The following TANC1 variants were observed in gnomAD, a reference collection of about 807,000 sequenced individuals.
The protein encoded by TANC1 is protein TANC1.
TANC1 carries 77 observed loss-of-function variants against 149.7 expected under a neutral mutation model. The observed-to-expected ratio is 0.51, with a 90% CI of 0.43 to 0.62. TANC1 has a LOEUF of 0.62. Ranked by LOEUF, TANC1 falls within the 20% of genes least tolerant of loss-of-function variation. The pLI is 0.00. For synonymous variants in TANC1, 854 were observed against 925.0 expected, an observed-to-expected ratio of 0.92 and a Z score of 1.39; for missense variants, 1,985 against 2,321.8, an observed-to-expected ratio of 0.85 and a Z score of 2.98.
chr2:159,196,581 G>A (rs776653415), intron 17 of TANC1, 27 bp from the exon 18 acceptor site: 50 of 1,577,698 alleles, frequency 3.2e-5, no homozygotes, highest in Admixed American at 7.1e-5. Context: ...ATGCTCAGCT[G>A]TAACCTTCCC....
intron 2 of TANC1, among the ~76,000 whole-genome samples, chr2:159,032,018 A>G (rs920386160): frequency 1.3e-5 from 2 of 152,200 alleles, no homozygotes; most frequent in Admixed American, 6.5e-5. Context: ...CTCTCATTCA[A>G]ATACCTTCTT....
At chr2:158,980,839 A>G (rs182299238) in intron 1 of TANC1, among the ~76,000 whole-genome samples, 8 of 151,952 alleles carry the variant, frequency 5.3e-5, no homozygotes, top group South Asian at 2.1e-4. Context: ...TTGGAAACCA[A>G]GATTCAATCA....
intron 14 of TANC1, among the ~76,000 whole-genome samples, chr2:159,179,742 A>G (rs1333714261): frequency 2.0e-5 from 3 of 152,232 alleles, no homozygotes; most frequent in Non-Finnish European, 4.4e-5. Context: ...GGACTGGACC[A>G]GGCTGGGATG....
chr2:158,976,120 C>T (rs912919577), intron 1 of TANC1, among the ~76,000 whole-genome samples: 1 of 152,220 alleles, frequency 6.6e-6, no homozygotes, highest in Non-Finnish European at 1.5e-5. Flanking sequence ...AGGTGTGAGC[C>T]ACTGTGCCCA....
chr2:159,170,398 G>C, intron 9 of TANC1, 126 bp from the exon 10 acceptor site: 1 of 842,140 alleles, frequency 1.2e-6, no homozygotes, highest in Non-Finnish European at 1.8e-6. Flanking sequence ...GATTGGAAAT[G>C]CTTACAGACA....
At chr2:159,061,775 G>A (rs77042333) in intron 2 of TANC1, among the ~76,000 whole-genome samples, 14,613 of 152,156 alleles carry the variant, frequency 0.096, 739 homozygotes, top group Non-Finnish European at 0.11. Flanking sequence ...AATATATAAT[G>A]GAAAGAAATG....
chr2:159,050,714 C>A (rs2041401623), intron 2 of TANC1, among the ~76,000 whole-genome samples: 1 of 152,210 alleles, frequency 6.6e-6, no homozygotes, highest in Non-Finnish European at 1.5e-5. Flanking sequence ...AAATAAGTTT[C>A]TCTACCTCTG....
chr2:159,106,575 A>C (rs558158147), intron 4 of TANC1, among the ~76,000 whole-genome samples: 1 of 152,334 alleles, frequency 6.6e-6, no homozygotes, highest in East Asian at 1.9e-4. Context: ...CCAGTCTTCC[A>C]TTGGTGGGTA....
At chr2:159,163,835 T>TG (rs2054299572) in intron 8 of TANC1, among the ~76,000 whole-genome samples, 1 of 151,444 alleles carries the variant, frequency 6.6e-6, no homozygotes, top group Admixed American at 6.6e-5. Flanking sequence ...CGGTTTTTGT[T>TG]TTAAGCCTTA....
At chr2:159,127,699 C>T (rs574173652) in intron 4 of TANC1, among the ~76,000 whole-genome samples, 47 of 151,624 alleles carry the variant, frequency 3.1e-4, no homozygotes, top group East Asian at 7.9e-4. Context: ...CAACACATAC[C>T]GGGGCCCGTC....
At chr2:159,217,257 A>G (rs1035057) in intron 19 of TANC1, among the ~76,000 whole-genome samples, 15,931 of 152,116 alleles carry the variant, frequency 0.1, 1,056 homozygotes, top group East Asian at 0.25. Context: ...TCCGAGCTCC[A>G]AGAAAGAGTG....
intron 7 of TANC1, among the ~76,000 whole-genome samples, chr2:159,151,354 G>A (rs2052790658): frequency 1.3e-5 from 2 of 152,210 alleles, no homozygotes; most frequent in Non-Finnish European, 2.9e-5. Context: ...TCTCCAGCTT[G>A]GTGCCTTTCA....
rs111502332 is a variant in TANC1 at position 159,008,004 on chromosome 2, G to A, written c.-16+6815G>A. Among the ~76,000 whole-genome samples the A allele has an allele frequency of 1.1e-4, 16 of 152,138 alleles. 1 individual carries two copies. Among genetic ancestry groups the A allele is most frequent in the African/African-American group, 1.4e-4 (6 of 41,420 alleles). On this transcript the variant is annotated intron_variant, in intron 2 of 26. Coordinates refer to ENST00000263635, the MANE Select transcript of TANC1 (RefSeq NM_033394.3). ...TTTTCTAAGATTGTCAATCCTTTAC[G>A]TGTTTCTGGACCTAAAATATCACTT...
At position 159,179,041 on chromosome 2, in the gene TANC1, C is replaced by A. The variant is rs62171128; in HGVS notation, c.2388C>A (p.Asp796Glu). ...GGGAAGACTTTCAGCAGAGGATGGA[C>A]GCCCTCTCCTGCTTCCTCATTAAGA... ...QGWEDFQQRM[D>E]ALSCFLIKRR... The change falls in exon 14 of 27, where the codon GAC (aspartate) becomes GAA (glutamate). Residue 796 changes from aspartate (D) to glutamate (E), a missense_variant. Asp to Glu is a conservative substitution (Grantham distance 45, BLOSUM62 2). Transcript: ENST00000263635. 6.2e-7 allele frequency: 1 copy of A among 1,613,992 alleles called. No homozygotes were observed. Among genetic ancestry groups the A allele is most frequent in the Admixed American group, 1.7e-5 (1 of 60,002 alleles).
At chr2:159,049,460 G>A (rs977344531) in intron 2 of TANC1, among the ~76,000 whole-genome samples, 2 of 152,206 alleles carry the variant, frequency 1.3e-5, no homozygotes, top group African/African-American at 4.8e-5. Context: ...TGTGGACCAT[G>A]AGGGACTGCT....
chr2:159,115,316 G>T (rs779663457), intron 4 of TANC1, among the ~76,000 whole-genome samples: 1 of 152,054 alleles, frequency 6.6e-6, no homozygotes, highest in Admixed American at 6.6e-5. Context: ...TTTCTAGGAC[G>T]GTAACTGTTT....
chr2:159,231,414 G>C lies in TANC1; in HGVS notation c.*402G>C, dbSNP rs1389455001. On this transcript the variant is annotated 3_prime_UTR_variant, in exon 27 of 27. Transcript: ENST00000263635. ...ATGACCAAGTGATGTACATCCAAGT[G>C]ATGTATTCTGGAAACGATGGAATTT... 1.2e-5 allele frequency: 2 copies of C among 160,558 alleles called. No individual in the cohort carries two copies. The highest frequency in any genetic ancestry group is 2.8e-5 in the Non-Finnish European group (2 of 72,712). The allele number at this position is 160,558 out of a possible 1,614,324, so 9.9% of individuals were successfully genotyped here. A position where few individuals can be genotyped will look rare whatever the true frequency, so the allele number is the denominator to read the frequency against.
intron 22 of TANC1, among the ~76,000 whole-genome samples, chr2:159,222,605 G>A (rs2059774026): frequency 1.3e-5 from 2 of 152,170 alleles, no homozygotes; most frequent in Non-Finnish European, 1.5e-5. Context: ...TCCATTGTAC[G>A]TATACACCAC....
intron 17 of TANC1, 105 bp from the exon 18 acceptor site, chr2:159,196,503 T>G: frequency 1.1e-6 from 1 of 906,166 alleles, no homozygotes. Context: ...GTGAACCCCA[T>G]GTACGCTTAC....
Sources: allele counts gnomAD v4.1 joint callset (sites outside exome capture counted in the v4.1 genomes callset), GRCh38; gene constraint gnomAD v4.1.1; transcripts MANE v1.5; gene names NCBI Gene and HGNC (gene_info 2026-07-23, HGNC 2026-07-21).